Variants in ADGRL3 observed in about 807,000 individuals in gnomAD.
The protein encoded by ADGRL3 is adhesion G protein-coupled receptor L3.
ADGRL3 carries 62 observed loss-of-function variants against 153.5 expected under a neutral mutation model. The ratio of observed to expected loss-of-function variants is 0.40; its 90% confidence interval spans 0.33 to 0.50. The LOEUF (loss-of-function observed/expected upper bound fraction) is 0.50. ADGRL3 is among the 20% of genes least tolerant of loss of function. The pLI is 0.47. For missense variants in ADGRL3, 1,641 were observed against 1,859.4 expected (o/e 0.88, Z 2.16); for synonymous variants, 710 against 672.5 (o/e 1.06, Z -0.86).
chr4:61,293,448 C>G (rs2094297917), intron 1 of ADGRL3, among the ~76,000 whole-genome samples: 1 of 152,084 alleles, frequency 6.6e-6, no homozygotes, highest in African/African-American at 2.4e-5. Context: ...TTTTCATGCT[C>G]TCACAATGAT....
At chr4:61,745,058 T>G (rs142556805) in intron 8 of ADGRL3, among the ~76,000 whole-genome samples, 1 of 151,942 alleles carries the variant, frequency 6.6e-6, no homozygotes, top group Non-Finnish European at 1.5e-5. Flanking sequence ...TCGAGAACTA[T>G]GTGAAGAATG....
At position 61,614,126 on chromosome 4, in the gene ADGRL3, T is replaced by G. The variant is rs144729696; in HGVS notation, c.473+26686T>G. Among the ~76,000 whole-genome samples the G allele has an allele frequency of 3.3e-5, 5 of 152,300 alleles. No homozygotes were observed. The East Asian group carries it at 9.7e-4, about 29-fold the overall frequency. On this transcript the variant is annotated intron_variant, in intron 5 of 26. Coordinates refer to ENST00000683033, the MANE Select transcript of ADGRL3 (RefSeq NM_001387552.1). Reference sequence around the variant, plus strand: ...AAAATAAAAAAGTACTGCTGCTAACTATATTTGCAGTATTCACAATTACCA... The same window carrying G: ...AAAATAAAAAAGTACTGCTGCTAACGATATTTGCAGTATTCACAATTACCA...
chr4:61,237,831 T>C (rs1170178627), intron 1 of ADGRL3, among the ~76,000 whole-genome samples: 1 of 152,202 alleles, frequency 6.6e-6, no homozygotes, highest in Non-Finnish European at 1.5e-5. Context: ...TATTGTCATT[T>C]TGCATATCAA....
chr4:61,766,752 G>T (rs1346174610), intron 8 of ADGRL3, among the ~76,000 whole-genome samples: 1 of 151,456 alleles, frequency 6.6e-6, no homozygotes, highest in Non-Finnish European at 1.5e-5. Context: ...TGGGATTAAG[G>T]GTGCAAAGGA....
intron 8 of ADGRL3, among the ~76,000 whole-genome samples, chr4:61,755,911 T>C (rs1433762293): frequency 6.6e-6 from 1 of 152,224 alleles, no homozygotes; most frequent in Non-Finnish European, 1.5e-5. Context: ...GTCAGGTTTG[T>C]CAGAGATCAG....
intron 4 of ADGRL3, among the ~76,000 whole-genome samples, chr4:61,551,778 C>T (rs1185901534): frequency 6.6e-6 from 1 of 152,024 alleles, no homozygotes; most frequent in African/African-American, 2.4e-5. Flanking sequence ...TAAATAAAAC[C>T]TCAGGACATA....
chr4:61,923,970 A>G (rs1218803456), intron 13 of ADGRL3, among the ~76,000 whole-genome samples: 1 of 152,114 alleles, frequency 6.6e-6, no homozygotes, highest in Non-Finnish European at 1.5e-5. Context: ...GCCTACTAGT[A>G]TGTCCACTGC....
intron 5 of ADGRL3, among the ~76,000 whole-genome samples, chr4:61,625,206 T>A (rs1339293119): frequency 6.6e-6 from 1 of 152,080 alleles, no homozygotes; most frequent in Non-Finnish European, 1.5e-5. Flanking sequence ...TGCCAAGCAG[T>A]GTTCATGCCA....
chr4:61,291,618 A>ATG (rs1392501694), intron 1 of ADGRL3, among the ~76,000 whole-genome samples: 2 of 38,876 alleles, frequency 5.1e-5, no homozygotes, highest in African/African-American at 1.3e-4. Flanking sequence ...ACACATATAT[A>ATG]TATATATAAA....
chr4:61,516,929 C>T (rs2098499280), intron 3 of ADGRL3, among the ~76,000 whole-genome samples: 1 of 152,112 alleles, frequency 6.6e-6, no homozygotes, highest in Non-Finnish European at 1.5e-5. Context: ...TTCTTATTTA[C>T]ACTTATGTAG....
At chr4:61,663,067 C>T (rs962778946) in intron 5 of ADGRL3, among the ~76,000 whole-genome samples, 4 of 152,194 alleles carry the variant, frequency 2.6e-5, no homozygotes, top group Admixed American at 6.5e-5. Context: ...TCACCCTTCA[C>T]TTGTCTGTGT....
chr4:61,756,541 G>T (rs1221884079), intron 8 of ADGRL3, among the ~76,000 whole-genome samples: 1 of 152,080 alleles, frequency 6.6e-6, no homozygotes, highest in African/African-American at 2.4e-5. Context: ...GGGTTTTCTA[G>T]ATATATAATC....
At position 61,599,299 on chromosome 4, in the gene ADGRL3, TG is replaced by T. The variant is rs539095078; in HGVS notation, c.473+11862del. ...GTATGAGGCAGGACCCTCTCTGGAA[TG>T]GGAGTTTTATCATCTACAGTGAAAC... On this transcript the variant is annotated intron_variant, in intron 5 of 26. Transcript: ENST00000683033. 1.6e-4 allele frequency among the ~76,000 whole-genome samples: 24 copies of T among 152,302 alleles called. 2 individuals are homozygous for T. The East Asian group carries it at 4.4e-3, about 28-fold the overall frequency.
At chr4:61,303,225 A>T (rs540119864) in intron 1 of ADGRL3, among the ~76,000 whole-genome samples, 1 of 152,184 alleles carries the variant, frequency 6.6e-6, no homozygotes, top group Non-Finnish European at 1.5e-5. Flanking sequence ...TACAATGCCT[A>T]CTTTGAAAGC....
chr4:61,394,339 A>G (rs2096845727), intron 2 of ADGRL3, among the ~76,000 whole-genome samples: 2 of 152,104 alleles, frequency 1.3e-5, no homozygotes, highest in South Asian at 4.1e-4. Flanking sequence ...ACATACATTA[A>G]AGATGGGATA....
intron 6 of ADGRL3, among the ~76,000 whole-genome samples, chr4:61,710,200 TCTC>T (rs2095942933): frequency 6.6e-6 from 1 of 152,150 alleles, no homozygotes; most frequent in African/African-American, 2.4e-5. Context: ...TCAAAGCCTT[TCTC>T]CTTTGTGAAA....
chr4:61,706,615 C>G (rs1158939731), intron 6 of ADGRL3, among the ~76,000 whole-genome samples: 1 of 152,042 alleles, frequency 6.6e-6, no homozygotes, highest in Non-Finnish European at 1.5e-5. Context: ...ACCTCATGAG[C>G]CAACTGTCTC....
intron 1 of ADGRL3, among the ~76,000 whole-genome samples, chr4:61,299,948 T>C (rs1484746105): frequency 6.6e-6 from 1 of 152,218 alleles, no homozygotes; most frequent in Non-Finnish European, 1.5e-5. Flanking sequence ...TCTTATTTAT[T>C]ATCAGATATT....
intron 2 of ADGRL3, among the ~76,000 whole-genome samples, chr4:61,412,573 T>C (rs909862703): frequency 1.3e-5 from 2 of 152,334 alleles, no homozygotes; most frequent in Admixed American, 1.3e-4. Flanking sequence ...ACAACTGGAA[T>C]GGTAAATCTT....
Sources: gnomAD v4.1 joint callset for allele counts (sites outside exome capture counted in the v4.1 genomes callset) on GRCh38, gnomAD v4.1.1 for gene constraint, MANE v1.5 for transcripts, NCBI Gene and HGNC (gene_info 2026-07-23, HGNC 2026-07-21) for gene names.